SLC1A2: variants seen among roughly 807,000 people sequenced by gnomAD.
The protein encoded by SLC1A2 is solute carrier family 1 member 2, also known as excitatory amino acid transporter 2.
A neutral mutation model predicts 48.8 loss-of-function variants in SLC1A2; 15 were observed. That is an observed-to-expected ratio of 0.31 (90% CI 0.21 to 0.47). The LOEUF (loss-of-function observed/expected upper bound fraction) is 0.47, where lower values mean the gene tolerates loss of function less well. Ranked by LOEUF, SLC1A2 falls within the 20% of genes least tolerant of loss-of-function variation. SLC1A2 has a pLI of 0.99. For synonymous variants in SLC1A2, 279 were observed against 272.6 expected, an observed-to-expected ratio of 1.02 and a Z score of -0.23; for missense variants, 502 against 730.5, an observed-to-expected ratio of 0.69 and a Z score of 3.61.
At chr11:35,384,323 T>C (rs1362953838) in intron 1 of SLC1A2, among the ~76,000 whole-genome samples, 2 of 152,334 alleles carry the variant, frequency 1.3e-5, no homozygotes, top group East Asian at 3.9e-4. Context: ...ACAGATCCCA[T>C]GTGGAATATG....
intron 1 of SLC1A2, among the ~76,000 whole-genome samples, chr11:35,401,575 G>A (rs543046620): frequency 7.9e-5 from 12 of 152,240 alleles, no homozygotes; most frequent in African/African-American, 2.9e-4. Flanking sequence ...GAATGCCCTT[G>A]GGTGAGAGGA....
In SLC1A2 at chr11:35,256,287, A is replaced by G. The variant is rs1272588699; in HGVS notation, c.*4607T>C. The G allele has an allele frequency of 6.6e-6, 1 of 152,226 alleles. No individual in the cohort carries two copies. The highest frequency in any genetic ancestry group is 1.5e-5 in the Non-Finnish European group (1 of 68,040). The allele number at this position is 152,226 out of a possible 1,614,324, so 9.4% of individuals were successfully genotyped here. A position where few individuals can be genotyped will look rare whatever the true frequency, so the allele number is the denominator to read the frequency against. ...ATTTAATCAAGATTCTCTGTTATCT[A>G]TTTTAAAACCAAGCCTCACACTAAC... On this transcript the variant is annotated 3_prime_UTR_variant, in exon 11 of 11. Transcript: ENST00000278379.
intron 6 of SLC1A2, 146 bp downstream of exon 6, chr11:35,301,373 T>C (rs949075485): frequency 8.7e-6 from 6 of 687,086 alleles, no homozygotes; most frequent in Non-Finnish European, 9.5e-6. Context: ...CCAAAAAAGA[T>C]ATTTTCATCC....
Position 35,419,083 on chromosome 11 carries a change from G to T in SLC1A2, c.-117C>A. On this transcript the variant is annotated 5_prime_UTR_variant, in exon 1 of 11. Coordinates refer to ENST00000278379, the MANE Select transcript of SLC1A2 (RefSeq NM_004171.4). This position sits in a 1 kb window ranked among gnomAD's most constrained non-coding sequence, Gnocchi z 5.4. ...GGAGCGGTATTTAAGAGGAGCCTCT[G>T]CCCGCCCTTCCACCCGCCTCCGGGG... 1 of 867,090 alleles carries T rather than the reference G, an allele frequency of 1.2e-6. No individual in the cohort carries two copies. The highest frequency in any genetic ancestry group is 1.8e-6 in the Non-Finnish European group (1 of 569,284). The allele number at this position is 867,090 out of a possible 1,614,324, so 53.7% of individuals were successfully genotyped here.
intron 6 of SLC1A2, among the ~76,000 whole-genome samples, chr11:35,297,190 C>T (rs1212240475): frequency 6.6e-6 from 1 of 152,146 alleles, no homozygotes; most frequent in East Asian, 1.9e-4. Context: ...TAGCAAGAAC[C>T]TCCATCCTCA....
intron 1 of SLC1A2, among the ~76,000 whole-genome samples, chr11:35,410,615 G>GTTGA (rs1446379432): frequency 6.6e-6 from 1 of 152,192 alleles, no homozygotes; most frequent in African/African-American, 2.4e-5. Context: ...TGCTGGGCAT[G>GTTGA]TTGATAAGTG....
chr11:35,349,748 T>C (rs1853174247), intron 1 of SLC1A2, among the ~76,000 whole-genome samples: 1 of 152,240 alleles, frequency 6.6e-6, no homozygotes, highest in South Asian at 2.1e-4. Flanking sequence ...TCCCAGTATG[T>C]CTCCAGGGTT....
chr11:35,269,034 A>C (rs1850189102), intron 9 of SLC1A2, among the ~76,000 whole-genome samples: 1 of 152,164 alleles, frequency 6.6e-6, no homozygotes, highest in Admixed American at 6.5e-5. Flanking sequence ...ATCATCTCCA[A>C]GGTGATGGTA....
rs939314139 is a variant in SLC1A2, at chr11:35,256,356, A to C, written c.*4538T>G. ...AGCTGGCTGTTAGCAAAGCAGCAAC[A>C]ATAAGTGGAATGATAGGAAAGGAAG... On this transcript the variant is annotated 3_prime_UTR_variant, in exon 11 of 11. Transcript: ENST00000278379. The C allele has an allele frequency of 2.0e-5, 3 of 152,326 alleles. No individual in the cohort carries two copies. The highest frequency in any genetic ancestry group is 2.9e-5 in the Non-Finnish European group (2 of 68,038). The allele number at this position is 152,326 out of a possible 1,614,324, so 9.4% of individuals were successfully genotyped here. A position where few individuals can be genotyped will look rare whatever the true frequency, so the allele number is the denominator to read the frequency against.
At chr11:35,380,438 G>A (rs1854384445) in intron 1 of SLC1A2, 1 of 398,442 alleles carries the variant, frequency 2.5e-6, no homozygotes, top group South Asian at 1.3e-4. Context: ...AGTTATTCTA[G>A]GTGATCTCTT....
At chr11:35,363,784 T>C (rs1028823130) in intron 1 of SLC1A2, among the ~76,000 whole-genome samples, 1 of 152,164 alleles carries the variant, frequency 6.6e-6, no homozygotes, top group African/African-American at 2.4e-5. Flanking sequence ...AAATGATATC[T>C]GGGTGTAGTA....
chr11:35,398,595 A>G (rs1384799757), intron 1 of SLC1A2, among the ~76,000 whole-genome samples: 2 of 152,198 alleles, frequency 1.3e-5, no homozygotes, highest in East Asian at 3.8e-4. Flanking sequence ...AATAACCTGT[A>G]TACCAAACCC....
chr11:35,313,769 C>T (rs144607833), intron 3 of SLC1A2, among the ~76,000 whole-genome samples: 6 of 152,254 alleles, frequency 3.9e-5, no homozygotes, highest in African/African-American at 1.2e-4. Flanking sequence ...CTCAATCTAG[C>T]GCTGAATGAT....
At chr11:35,312,598 G>C in intron 3 of SLC1A2, 150 bp from the exon 4 acceptor site, 1 of 978,946 alleles carries the variant, frequency 1.0e-6, no homozygotes, top group Non-Finnish European at 1.5e-6. Flanking sequence ...ATATCCATGA[G>C]AGGGTTGGTT....
At chr11:35,316,698 G>C (rs1012455867) in intron 2 of SLC1A2, 1 of 152,208 alleles carries the variant, frequency 6.6e-6, no homozygotes, top group Non-Finnish European at 1.5e-5. Context: ...AAAGGAAATG[G>C]TGTGGTTGTC....
chr11:35,362,551 A>T (rs1446341830), intron 1 of SLC1A2, among the ~76,000 whole-genome samples: 5 of 152,234 alleles, frequency 3.3e-5, no homozygotes, highest in Non-Finnish European at 7.3e-5. Context: ...TGATAATAAT[A>T]ATAACTATTC....
chr11:35,417,881 C>T (rs565517437), intron 1 of SLC1A2, among the ~76,000 whole-genome samples: 1 of 152,208 alleles, frequency 6.6e-6, no homozygotes, highest in East Asian at 1.9e-4. Flanking sequence ...CTAAAACAAG[C>T]CTGCGGAGTT....
At chr11:35,414,601 T>C (rs889882211) in intron 1 of SLC1A2, among the ~76,000 whole-genome samples, 2 of 152,204 alleles carry the variant, frequency 1.3e-5, no homozygotes, top group Non-Finnish European at 2.9e-5. Flanking sequence ...ATAATCTGGA[T>C]TCTAAAACCC....
chr11:35,403,322 G>A (rs571871136), intron 1 of SLC1A2, among the ~76,000 whole-genome samples: 3 of 152,188 alleles, frequency 2.0e-5, no homozygotes, highest in Admixed American at 6.5e-5. Context: ...TATAAAACAC[G>A]TCTTCTTAAC....
Sources: gnomAD v4.1 joint callset for allele counts (sites outside exome capture counted in the v4.1 genomes callset) on GRCh38, gnomAD v4.1.1 for gene constraint, Gnocchi (gnomAD v3.1) non-coding constraint, MANE v1.5 for transcripts, NCBI Gene and HGNC (gene_info 2026-07-23, HGNC 2026-07-21) for gene names.